The following F2 variants were observed in gnomAD, a reference collection of about 807,000 sequenced individuals.
F2 encodes coagulation factor II, thrombin.
In F2, 34 loss-of-function variants were observed where a neutral mutation model predicts 81.9. The ratio of observed to expected loss-of-function variants is 0.42; its 90% CI spans 0.32 to 0.55. The LOEUF is 0.55. Among genes scored for constraint, F2 ranks in the 20% least tolerant of loss-of-function variants. The probability of loss-of-function intolerance (pLI) is 0.18; values close to 1 mark genes in which losing one functional copy is unlikely to be tolerated. For missense variants in F2, 630 were observed against 833.4 expected (o/e 0.76, Z 3.00); for synonymous variants, 296 against 326.4 (o/e 0.91, Z 1.01).
chr11:46,725,726 A>C (rs1481559175), intron 6 of F2, 133 bp from the exon 7 acceptor site: 2 of 1,032,112 alleles, frequency 1.9e-6, no homozygotes, highest in Non-Finnish European at 3.0e-6. Flanking sequence ...GCAAACGGTC[A>C]GAAGCCCAGA....
chr11:46,736,680 G>T (rs2064946167), intron 12 of F2, among the ~76,000 whole-genome samples: 1 of 152,164 alleles, frequency 6.6e-6, no homozygotes, highest in South Asian at 2.1e-4. Flanking sequence ...CTGGTCTGTT[G>T]TCTGTCTGTG....
chr11:46,731,474 C>T (rs200003443), intron 12 of F2, among the ~76,000 whole-genome samples: 1 of 152,036 alleles, frequency 6.6e-6, no homozygotes, highest in East Asian at 1.9e-4. Flanking sequence ...AGCCACAGCA[C>T]CTGGCCCAAA....
intron 12 of F2, among the ~76,000 whole-genome samples, chr11:46,732,461 G>A (rs1470911812): frequency 6.6e-6 from 1 of 151,044 alleles, no homozygotes; most frequent in Admixed American, 6.6e-5. Flanking sequence ...GCAATGGCGT[G>A]ATCTCGGCTC....
Position 46,728,891 on chromosome 11 carries a change from G to T in F2, c.1472+54G>T. 3 of 1,595,442 alleles carry T rather than the reference G, an allele frequency of 1.9e-6. No individual in the cohort carries two copies. Among genetic ancestry groups the T allele is most frequent in the Non-Finnish European group, 2.6e-6 (3 of 1,166,680 alleles). On this transcript the variant is annotated intron_variant, in intron 11 of 13. Coordinates refer to ENST00000311907, the MANE Select transcript of F2 (RefSeq NM_000506.5). The surrounding 1 kb of genome is among the most constrained non-coding windows in gnomAD (Gnocchi z 5.1). ...GGGCAGAAGCCAAGTTCTGGGCCTG[G>T]CTCTGATACCAAGTAGCCTTGCAAG...
At chr11:46,720,687 G>A in intron 3 of F2, 103 bp from the exon 4 acceptor site, 1 of 1,513,786 alleles carries the variant, frequency 6.6e-7, no homozygotes. Flanking sequence ...CCTCCCATCT[G>A]TTCATCCATC....
Position 46,726,522 on chromosome 11 carries a change from G to A in F2, c.899G>A (p.Gly300Glu), listed in dbSNP as rs1215980837. ...YCEEAVEEET[G>E]DGLDEDSDRA... ...GAGGAGGCCGTGGAGGAGGAGACAG[G>A]AGATGGGCTGGATGAGGACTCAGAC... Residue 300 changes from glycine to glutamate, a missense_variant, in exon 8 of 14, where the codon GGA becomes GAA. Physicochemically the swap from Gly to Glu is moderately conservative, Grantham distance 98. Transcript: ENST00000311907. This position sits in a 1 kb window ranked among gnomAD's most constrained non-coding sequence, Gnocchi z 5.9. 1 of 1,613,986 alleles carries A rather than the reference G, an allele frequency of 6.2e-7. No homozygotes were observed. The highest frequency in any genetic ancestry group is 2.2e-5 in the East Asian group (1 of 44,884).
intron 4 of F2, among the ~76,000 whole-genome samples, chr11:46,721,947 A>T (rs1316774683): frequency 1.3e-5 from 2 of 150,606 alleles, no homozygotes; most frequent in Non-Finnish European, 2.9e-5. Flanking sequence ...GATTCAAGTG[A>T]TTCTCCTGCC....
intron 12 of F2, among the ~76,000 whole-genome samples, chr11:46,731,912 G>GTTTTTTTTTTTTTTTTTTTTTTTATTTTT (rs71042616): frequency 1.1e-5 from 1 of 88,156 alleles, no homozygotes; most frequent in African/African-American, 4.4e-5. Flanking sequence ...ACACTTTGAT[G>GTTTTTTTTTTTTTTTTTTTTTTTATTTTT]TTTTTTTTTT....
chr11:46,727,244 A>G (rs1423538964), intron 9 of F2, among the ~76,000 whole-genome samples: 1 of 149,738 alleles, frequency 6.7e-6, no homozygotes, highest in African/African-American at 2.5e-5. Flanking sequence ...CTGGTCTTGA[A>G]CTCCTGACCT....
In F2 at chr11:46,728,228, GC is replaced by G; in HGVS notation, c.1298+68del. 6.6e-7 allele frequency: 1 copy of G among 1,521,860 alleles called. No homozygotes were observed. The highest frequency in any genetic ancestry group is 9.0e-7 in the Non-Finnish European group (1 of 1,113,858). The allele number at this position is 1,521,860 out of a possible 1,614,324, so 94.3% of individuals were successfully genotyped here. On this transcript the variant is annotated intron_variant, in intron 10 of 13. Coordinates refer to ENST00000311907, the MANE Select transcript of F2 (RefSeq NM_000506.5). This position sits in a 1 kb window ranked among gnomAD's most constrained non-coding sequence, Gnocchi z 5.1. Reference sequence around the variant, plus strand: ...GAGTCCTCCAAAGCGATCATGAGGGGCCCTGGTGGCTCCGGGACACATAGGA... The same window carrying G: ...GAGTCCTCCAAAGCGATCATGAGGGGCCTGGTGGCTCCGGGACACATAGGA...
chr11:46,735,556 A>G (rs1164959751), intron 12 of F2, among the ~76,000 whole-genome samples: 2 of 152,058 alleles, frequency 1.3e-5, no homozygotes, highest in Non-Finnish European at 2.9e-5. Context: ...CTAGGAGTTC[A>G]ATACTGCAGT....
Position 46,728,291 on chromosome 11 carries a change from G to C in F2, c.1298+128G>C. On this transcript the variant is annotated intron_variant, in intron 10 of 13. Coordinates refer to ENST00000311907, the MANE Select transcript of F2 (RefSeq NM_000506.5). The surrounding 1 kb of genome is among the most constrained non-coding windows in gnomAD (Gnocchi z 5.1). Reference sequence around the variant, plus strand: ...CCCCCCAGAATATAACATCCCAGCAGTCTCTGCTGGAAAGCCCATTTGGTC... The same window carrying C: ...CCCCCCAGAATATAACATCCCAGCACTCTCTGCTGGAAAGCCCATTTGGTC... 9.1e-7 allele frequency: 1 copy of C among 1,095,812 alleles called. No homozygotes were observed. Among genetic ancestry groups the C allele is most frequent in the Non-Finnish European group, 1.3e-6 (1 of 742,620 alleles). 67.9% of individuals were successfully genotyped at this position (1,095,812 alleles called of 1,614,324 possible).
chr11:46,720,461 A>T, intron 2 of F2, 62 bp from the exon 3 acceptor site: 1 of 1,599,982 alleles, frequency 6.3e-7, no homozygotes, highest in South Asian at 1.1e-5. Context: ...GAGACATAAC[A>T]TTTACTAAAA....
chr11:46,734,534 A>G lies in F2; in HGVS notation c.1655-4514A>G, dbSNP rs541804400. Among the ~76,000 whole-genome samples, 19 of 152,248 alleles carry G rather than the reference A, an allele frequency of 1.2e-4. No individual in the cohort carries two copies. In the South Asian group the frequency reaches 3.1e-3, roughly 25 times the overall value. ...AATCAGAGATAAACTTTTCCTGGCC[A>G]GGTGTGGTGTCTTACACCTGTAATC... On this transcript the variant is annotated intron_variant, in intron 12 of 13. Coordinates refer to ENST00000311907, the MANE Select transcript of F2 (RefSeq NM_000506.5).
chr11:46,736,194 T>C (rs1393026632), intron 12 of F2, among the ~76,000 whole-genome samples: 1 of 152,248 alleles, frequency 6.6e-6, no homozygotes, highest in African/African-American at 2.4e-5. Context: ...AGAGCGAGAC[T>C]CTATCTCAAA....
At position 46,728,173 on chromosome 11, in the gene F2, T is replaced by C; in HGVS notation, c.1298+10T>C. The C allele has an allele frequency of 6.2e-7, 1 of 1,603,558 alleles. No individual in the cohort carries two copies. The highest frequency in any genetic ancestry group is 8.5e-7 in the Non-Finnish European group (1 of 1,175,556). ...AGCACTCCCGCACCAGGTACAGAACTGGTGGCCCGTGGGTGTCTGGCAGGG... is the reference window on the plus strand; with the variant it reads ...AGCACTCCCGCACCAGGTACAGAACCGGTGGCCCGTGGGTGTCTGGCAGGG... On this transcript the variant is annotated intron_variant, in intron 10 of 13. Transcript: ENST00000311907. The surrounding 1 kb of genome is among the most constrained non-coding windows in gnomAD (Gnocchi z 5.1).
At position 46,735,688 on chromosome 11, in the gene F2, C is replaced by T. The variant is rs557428677; in HGVS notation, c.1655-3360C>T. On this transcript the variant is annotated intron_variant, in intron 12 of 13. Coordinates refer to ENST00000311907, the MANE Select transcript of F2 (RefSeq NM_000506.5). Reference sequence around the variant, plus strand: ...CTGTAATCCTAGCACTTTGGGAGGCCGAGGCGAGCGGATCACCTGAGGTCA... The same window carrying T: ...CTGTAATCCTAGCACTTTGGGAGGCTGAGGCGAGCGGATCACCTGAGGTCA... Among the ~76,000 whole-genome samples, 8 of 151,162 alleles carry T rather than the reference C, an allele frequency of 5.3e-5. No homozygotes were observed. In the South Asian group the frequency reaches 6.3e-4, roughly 12 times the overall value.
At chr11:46,738,238 A>G (rs1185876876) in intron 12 of F2, among the ~76,000 whole-genome samples, 1 of 151,896 alleles carries the variant, frequency 6.6e-6, no homozygotes, top group East Asian at 1.9e-4. Context: ...TGACTTCATG[A>G]TCCGCCCGCC....
chr11:46,731,859 C>T (rs886394703), intron 12 of F2, among the ~76,000 whole-genome samples: 2 of 149,898 alleles, frequency 1.3e-5, no homozygotes, highest in African/African-American at 4.9e-5. Context: ...CTTGCTGTAA[C>T]TTCTGTTTTT....
Sources: allele counts gnomAD v4.1 joint callset (sites outside exome capture counted in the v4.1 genomes callset), GRCh38; gene constraint gnomAD v4.1.1; non-coding constraint Gnocchi (gnomAD v3.1); transcripts MANE v1.5; gene names NCBI Gene and HGNC (gene_info 2026-07-23, HGNC 2026-07-21).